The following ATP6V0E1 variants were observed in gnomAD, a reference collection of about 807,000 sequenced individuals.
ATP6V0E1 encodes the protein V-type proton ATPase subunit e 1.
In ATP6V0E1, 4 loss-of-function variants were observed where a neutral mutation model predicts 11.6. The ratio of observed to expected loss-of-function variants is 0.35; its 90% CI spans 0.17 to 0.79. The LOEUF is 0.79. Ranked by LOEUF, ATP6V0E1 falls within the 30% of genes least tolerant of loss-of-function variation. The probability of loss-of-function intolerance (pLI) is 0.54; values close to 1 mark genes in which losing one functional copy is unlikely to be tolerated. For synonymous variants in ATP6V0E1, 36 were observed against 34.8 expected, an observed-to-expected ratio of 1.04 and a Z score of -0.13; for missense variants, 105 against 100.0, an observed-to-expected ratio of 1.05 and a Z score of -0.21.
chr5:173,017,297 G>C (rs1281773879), intron 2 of ATP6V0E1, among the ~76,000 whole-genome samples: 1 of 152,142 alleles, frequency 6.6e-6, no homozygotes, highest in Non-Finnish European at 1.5e-5. Flanking sequence ...ACTTTGGGAG[G>C]CCGAGGTGGG....
intron 2 of ATP6V0E1, among the ~76,000 whole-genome samples, chr5:173,018,391 T>C (rs901750474): frequency 2.0e-5 from 3 of 152,096 alleles, no homozygotes; most frequent in African/African-American, 4.8e-5. Flanking sequence ...TCCTGCTGTC[T>C]CAGGTGTGGT....
chr5:173,017,709 C>T (rs1290539698), intron 2 of ATP6V0E1, among the ~76,000 whole-genome samples: 1 of 151,506 alleles, frequency 6.6e-6, no homozygotes, highest in Non-Finnish European at 1.5e-5. Context: ...GGGATGGTGG[C>T]GCGTGCCTGT....
chr5:172,995,120 T>C (rs925997428), intron 2 of ATP6V0E1, among the ~76,000 whole-genome samples: 4 of 152,236 alleles, frequency 2.6e-5, no homozygotes, highest in Non-Finnish European at 4.4e-5. Flanking sequence ...TATTTATCTT[T>C]TGAGACAAGG....
rs1755901532 is a variant in ATP6V0E1, at chr5:172,986,659, G to A, written c.104+2695G>A. 2 of 439,244 alleles carry A rather than the reference G, an allele frequency of 4.6e-6. 1 individual carries two copies. Among genetic ancestry groups the A allele is most frequent in the Non-Finnish European group, 9.1e-6 (2 of 220,546 alleles). The allele number at this position is 439,244 out of a possible 1,614,324, so 27.2% of individuals were successfully genotyped here. On this transcript the variant is annotated intron_variant, in intron 1 of 3. Transcript: ENST00000519374. ...TGAAACAAGTCCAGTGTCAGAGTCT[G>A]GGGAAGAGGCTGCAGGCACCATGTC... is the stretch of plus-strand genomic sequence containing the variant.
At chr5:173,029,896 T>C (rs1167875580) in intron 3 of ATP6V0E1, among the ~76,000 whole-genome samples, 1 of 152,148 alleles carries the variant, frequency 6.6e-6, no homozygotes, top group Non-Finnish European at 1.5e-5. Flanking sequence ...CTCACTACTT[T>C]CCCCTCCAGG....
intron 2 of ATP6V0E1, among the ~76,000 whole-genome samples, chr5:173,004,824 G>T (rs1756206486): frequency 6.6e-6 from 1 of 152,204 alleles, no homozygotes; most frequent in East Asian, 1.9e-4. Context: ...AAATGGTACA[G>T]GTCATGCCTT....
intron 2 of ATP6V0E1, among the ~76,000 whole-genome samples, chr5:172,995,848 A>G (rs1388048890): frequency 6.6e-6 from 1 of 152,122 alleles, no homozygotes; most frequent in Non-Finnish European, 1.5e-5. Context: ...TCCTGGCCTC[A>G]GTGATCCTTC....
At chr5:173,002,734 T>C (rs1275075889) in intron 2 of ATP6V0E1, among the ~76,000 whole-genome samples, 1 of 152,226 alleles carries the variant, frequency 6.6e-6, no homozygotes, top group African/African-American at 2.4e-5. Flanking sequence ...ATGCCTGTAA[T>C]CTCAGCACTT....
chr5:173,017,402 C>T (rs779295449), intron 2 of ATP6V0E1, among the ~76,000 whole-genome samples: 1 of 151,806 alleles, frequency 6.6e-6, no homozygotes, highest in Non-Finnish European at 1.5e-5. Context: ...AGTGTGGTGG[C>T]AGGCGCCTGT....
At chr5:173,027,241 A>C in intron 3 of ATP6V0E1, among the ~76,000 whole-genome samples, 1 of 141,488 alleles carries the variant, frequency 7.1e-6, no homozygotes, top group African/African-American at 2.6e-5. Flanking sequence ...TAATCCCAGC[A>C]CTTTGGGAGG....
Position 172,983,925 on chromosome 5 carries a change from T to C in ATP6V0E1, c.65T>C (p.Phe22Ser). Residue 22 changes from phenylalanine (F) to serine (S), a missense_variant, in exon 1 of 4, where the codon TTC (phenylalanine) becomes TCC (serine). Phe to Ser is a radical substitution (Grantham distance 155, BLOSUM62 -2). Transcript: ENST00000519374. ...VMSVFWGFVG[F>S]LVPWFIPKGP... is the part of the protein sequence containing the mutation. ...AGCGTGTTCTGGGGCTTCGTCGGCT[T>C]CTTGGTGCCTTGGTTCATCCCTAAG... 6.2e-7 allele frequency: 1 copy of C among 1,613,254 alleles called. No individual in the cohort carries two copies. Among genetic ancestry groups the C allele is most frequent in the South Asian group, 1.1e-5 (1 of 91,052 alleles).
At chr5:173,015,991 C>A (rs538923999) in intron 2 of ATP6V0E1, among the ~76,000 whole-genome samples, 8 of 152,138 alleles carry the variant, frequency 5.3e-5, no homozygotes, top group African/African-American at 1.7e-4. Flanking sequence ...CTCCCAGTGT[C>A]GAGATTACAG....
intron 3 of ATP6V0E1, among the ~76,000 whole-genome samples, chr5:173,024,057 G>A (rs1452022199): frequency 6.6e-6 from 1 of 151,990 alleles, no homozygotes; most frequent in African/African-American, 2.4e-5. Context: ...AATTAGCCAG[G>A]CATGGTGGTG....
At chr5:173,020,390 T>C in intron 3 of ATP6V0E1, 23 bp downstream of exon 3, 1 of 1,382,280 alleles carries the variant, frequency 7.2e-7, no homozygotes, top group Non-Finnish European at 1.0e-6. Flanking sequence ...GTGACCTTTC[T>C]TATCAGTATG....
At chr5:172,997,547 C>T (rs530694612) in intron 2 of ATP6V0E1, among the ~76,000 whole-genome samples, 50 of 152,288 alleles carry the variant, frequency 3.3e-4, no homozygotes, top group Non-Finnish European at 6.2e-4. Flanking sequence ...TGGTGGCTCA[C>T]GCCTGTAATC....
intron 2 of ATP6V0E1, among the ~76,000 whole-genome samples, chr5:173,001,290 G>A (rs554399401): frequency 2.0e-5 from 3 of 152,118 alleles, no homozygotes; most frequent in East Asian, 3.9e-4. Flanking sequence ...AGAGAGGCCC[G>A]ATCACTCCCC....
intron 2 of ATP6V0E1, among the ~76,000 whole-genome samples, chr5:173,009,809 G>A (rs1339087570): frequency 1.4e-5 from 2 of 143,134 alleles, no homozygotes; most frequent in African/African-American, 5.2e-5. Context: ...TGTTGCCCAG[G>A]CTGGAGTGCA....
At chr5:173,024,121 C>A (rs2113611278) in intron 3 of ATP6V0E1, among the ~76,000 whole-genome samples, 1 of 150,360 alleles carries the variant, frequency 6.7e-6, no homozygotes, top group African/African-American at 2.4e-5. Flanking sequence ...TGGCATGAAC[C>A]CAGGAGGTGG....
chr5:172,986,910 C>T (rs559009469), intron 1 of ATP6V0E1, among the ~76,000 whole-genome samples: 1 of 152,088 alleles, frequency 6.6e-6, no homozygotes, highest in South Asian at 2.1e-4. Flanking sequence ...GCCTCAGCCT[C>T]CCGAGTAGCT....
Sources: allele counts gnomAD v4.1 joint callset (sites outside exome capture counted in the v4.1 genomes callset), GRCh38; gene constraint gnomAD v4.1.1; transcripts MANE v1.5; gene names NCBI Gene and HGNC (gene_info 2026-07-23, HGNC 2026-07-21).